The following RTF1 variants were observed in gnomAD, a reference collection of about 807,000 sequenced individuals.
RTF1 encodes RNA polymerase-associated protein RTF1 homolog.
A neutral mutation model predicts 95.7 loss-of-function variants in RTF1; 10 were observed. The ratio of observed to expected loss-of-function variants is 0.10; its 90% confidence interval spans 0.06 to 0.18. RTF1 has a LOEUF of 0.18. RTF1 is among the 10% of genes least tolerant of loss of function. RTF1 has a pLI of 1.00. For synonymous variants in RTF1, 305 were observed against 311.8 expected, an observed-to-expected ratio of 0.98 and a Z score of 0.23; for missense variants, 458 against 875.6, an observed-to-expected ratio of 0.52 and a Z score of 6.02.
intron 14 of RTF1, 112 bp from the exon 15 acceptor site, chr15:41,478,436 A>C (rs1300165008): frequency 1.3e-6 from 1 of 798,560 alleles, no homozygotes; most frequent in Non-Finnish European, 2.1e-6. Flanking sequence ...GGAAAAGGAT[A>C]ATAGCTTTTT....
At position 41,475,798 on chromosome 15, in the gene RTF1, CA is replaced by C; in HGVS notation, c.1463del (p.Asn488MetfsTer9). The C allele has an allele frequency of 6.3e-7, 1 of 1,587,174 alleles. No individual in the cohort carries two copies. Among genetic ancestry groups the C allele is most frequent in the Non-Finnish European group, 8.6e-7 (1 of 1,157,750 alleles). On this transcript the variant is annotated frameshift_variant, in exon 11 of 18. Coordinates refer to ENST00000389629, the MANE Select transcript of RTF1 (RefSeq NM_015138.5). LOFTEE classifies it high-confidence loss of function. ...TTAAAGAAGCTCTTAATTATAAATTCAATGATCAGGACATTGAAGAGGTAAG... is the reference window on the plus strand; with the variant it reads ...TTAAAGAAGCTCTTAATTATAAATTCATGATCAGGACATTGAAGAGGTAAG... ...SIKEALNYKF[N>X]DQDIEEIVKE...
At chr15:41,480,061 T>C (rs946998969) in intron 16 of RTF1, among the ~76,000 whole-genome samples, 153 bp from the exon 17 acceptor site, 15 of 152,086 alleles carry the variant, frequency 9.9e-5, no homozygotes, top group African/African-American at 3.6e-4. Context: ...GCTCTTTGTC[T>C]GTGGCCTCCC....
At chr15:41,440,928 A>C (rs991116367) in intron 2 of RTF1, among the ~76,000 whole-genome samples, 9 of 151,618 alleles carry the variant, frequency 5.9e-5, no homozygotes, top group Non-Finnish European at 1.0e-4. Flanking sequence ...TAGACAATAC[A>C]GAAAAACCTT....
chr15:41,419,139 T>C lies in RTF1; in HGVS notation c.198+1826T>C, dbSNP rs181603649. On this transcript the variant is annotated intron_variant, in intron 1 of 17. Transcript: ENST00000389629. ...CTGAAGTTTACAAAAATATCAAAAG[T>C]ATAATTTCGACTGTAAAAGTTTGAT... 5.3e-5 allele frequency among the ~76,000 whole-genome samples: 8 copies of C among 152,282 alleles called. No homozygotes were observed. The East Asian group carries it at 1.2e-3, about 22-fold the overall frequency.
chr15:41,464,642 C>A, intron 4 of RTF1, 129 bp from the exon 5 acceptor site: 1 of 635,474 alleles, frequency 1.6e-6, no homozygotes, highest in Non-Finnish European at 2.6e-6. Context: ...AAAAGGTACA[C>A]CAGAGTTTCT....
At chr15:41,466,648 C>CA (rs1281408021) in intron 6 of RTF1, among the ~76,000 whole-genome samples, 1 of 152,082 alleles carries the variant, frequency 6.6e-6, no homozygotes, top group Admixed American at 6.6e-5. Flanking sequence ...ATTTAAAAAA[C>CA]AAGATTTTAA....
chr15:41,468,566 C>T (rs1388079893), intron 6 of RTF1, among the ~76,000 whole-genome samples: 2 of 152,148 alleles, frequency 1.3e-5, no homozygotes, highest in African/African-American at 4.8e-5. Flanking sequence ...ATCCGCCCGC[C>T]TCGGCCTCCC....
At chr15:41,478,446 T>A (rs924247864) in intron 14 of RTF1, 102 bp from the exon 15 acceptor site, 5 of 840,314 alleles carry the variant, frequency 6.0e-6, no homozygotes, top group Non-Finnish European at 9.6e-6. Context: ...AATAGCTTTT[T>A]TTTTTTTCAG....
At chr15:41,446,047 G>C (rs2050759263) in intron 2 of RTF1, among the ~76,000 whole-genome samples, 1 of 152,068 alleles carries the variant, frequency 6.6e-6, no homozygotes, top group Middle Eastern at 3.4e-3. Context: ...AGCTTCCTCT[G>C]ACTCTTTTTT....
At chr15:41,468,511 G>A (rs192721474) in intron 6 of RTF1, among the ~76,000 whole-genome samples, 1,581 of 152,138 alleles carry the variant, frequency 0.01, 32 homozygotes, top group African/African-American at 0.037. Context: ...TAGAGAAGGG[G>A]TTTCACCATG....
intron 2 of RTF1, among the ~76,000 whole-genome samples, chr15:41,444,452 C>A (rs1307642666): frequency 6.6e-6 from 1 of 151,822 alleles, no homozygotes; most frequent in African/African-American, 2.4e-5. Context: ...TGCCACCACG[C>A]CCGGCTAACT....
intron 4 of RTF1, among the ~76,000 whole-genome samples, chr15:41,460,610 A>C (rs1361582770): frequency 6.6e-6 from 1 of 152,178 alleles, no homozygotes; most frequent in Non-Finnish European, 1.5e-5. Flanking sequence ...CTCAAGGGTA[A>C]TAGGTGGCTT....
rs1442236184 is a variant in RTF1 at position 41,466,056 on chromosome 15, G to A, written c.778-85G>A. On this transcript the variant is annotated intron_variant, in intron 5 of 17. Transcript: ENST00000389629. ...TTTGCAGCCCATATAGATTGATGTT[G>A]GAGGACTAAATGCATTAAGTAGGTT... 4 of 833,988 alleles carry A rather than the reference G, an allele frequency of 4.8e-6. No individual in the cohort carries two copies. In the East Asian group the frequency reaches 1.2e-4, roughly 25 times the overall value. 51.7% of individuals were successfully genotyped at this position (833,988 alleles called of 1,614,324 possible). A position where few individuals can be genotyped will look rare whatever the true frequency, so the allele number is the denominator to read the frequency against.
At chr15:41,457,960 C>A (rs61546889) in intron 4 of RTF1, 84 bp downstream of exon 4, 1 of 1,039,140 alleles carries the variant, frequency 9.6e-7, no homozygotes, top group Non-Finnish European at 1.4e-6. Flanking sequence ...TCCTTCACAC[C>A]TGACCTACAC....
intron 6 of RTF1, among the ~76,000 whole-genome samples, 170 bp from the exon 7 acceptor site, chr15:41,470,087 T>C (rs904511121): frequency 6.6e-6 from 1 of 152,160 alleles, no homozygotes. Flanking sequence ...CCTGAATAAT[T>C]TTAACTCTGT....
intron 1 of RTF1, among the ~76,000 whole-genome samples, chr15:41,431,218 CTTTTTTT>C (rs543088486): frequency 7.7e-6 from 1 of 129,964 alleles, no homozygotes; most frequent in African/African-American, 2.9e-5. Context: ...TTTCTTTTTT[CTTTTTTT>C]TTTTTTGAGA....
chr15:41,431,889 C>T (rs897251014), intron 1 of RTF1, among the ~76,000 whole-genome samples: 12 of 151,992 alleles, frequency 7.9e-5, no homozygotes, highest in African/African-American at 2.9e-4. Flanking sequence ...CAACCTTCAC[C>T]TGCCAGGTTG....
chr15:41,465,113 T>C (rs1272543634), intron 5 of RTF1, among the ~76,000 whole-genome samples: 1 of 152,022 alleles, frequency 6.6e-6, no homozygotes, highest in African/African-American at 2.4e-5. Context: ...TTTTTCTTTC[T>C]TCTTTCTTTT....
intron 1 of RTF1, among the ~76,000 whole-genome samples, chr15:41,422,395 C>G (rs1217655232): frequency 1.3e-5 from 2 of 152,148 alleles, no homozygotes; most frequent in Non-Finnish European, 2.9e-5. Flanking sequence ...CACACCCTTT[C>G]TTCAACATTT....
Sources: gnomAD v4.1 joint callset for allele counts (sites outside exome capture counted in the v4.1 genomes callset) on GRCh38, gnomAD v4.1.1 for gene constraint, MANE v1.5 for transcripts, NCBI Gene and HGNC (gene_info 2026-07-23, HGNC 2026-07-21) for gene names.